The following CFAP65 variants were observed in gnomAD, a reference collection of about 807,000 sequenced individuals.
CFAP65 encodes the protein cilia- and flagella-associated protein 65.
Under a neutral mutation model 208.0 loss-of-function variants are expected in CFAP65, and 155 were observed. The ratio of observed to expected loss-of-function variants is 0.75; its 90% CI spans 0.65 to 0.85. The LOEUF (loss-of-function observed/expected upper bound fraction) is 0.85. CFAP65 is among the 40% of genes least tolerant of loss of function. The probability of loss-of-function intolerance (pLI) is 0.00; values close to 1 mark genes in which losing one functional copy is unlikely to be tolerated. For missense variants in CFAP65, 2,294 were observed against 2,451.3 expected (o/e 0.94, Z 1.36); for synonymous variants, 970 against 986.3 (o/e 0.98, Z 0.31).
intron 4 of CFAP65, 32 bp from the exon 5 acceptor site, chr2:219,035,696 A>G: frequency 1.3e-6 from 2 of 1,587,796 alleles, no homozygotes; most frequent in Non-Finnish European, 8.6e-7. Context: ...GGGGGAGCAG[A>G]AAGGATGTAT....
At chr2:219,028,071 T>C (rs1469177322) in intron 12 of CFAP65, 62 bp from the exon 13 acceptor site, 1 of 1,527,578 alleles carries the variant, frequency 6.5e-7, no homozygotes, top group African/African-American at 1.4e-5. Flanking sequence ...TTGCCCCTCC[T>C]GGGTACACTC....
In CFAP65 at chr2:219,010,453, T is replaced by A. The variant is rs897740545; in HGVS notation, c.4308+93A>T. ...TGTCCCTCCTCAACTACATCTCATGTCCCTCCCAGCCTCCCCATCCTTCTG... is the reference window on the plus strand; with the variant it reads ...TGTCCCTCCTCAACTACATCTCATGACCCTCCCAGCCTCCCCATCCTTCTG... On this transcript the variant is annotated intron_variant, in intron 26 of 34. Transcript: ENST00000341552. 5 of 1,352,600 alleles carry A rather than the reference T, an allele frequency of 3.7e-6. No homozygotes were observed. The African/African-American group carries it at 7.5e-5, about 20-fold the overall frequency. The allele number at this position is 1,352,600 out of a possible 1,614,324, so 83.8% of individuals were successfully genotyped here. A position where few individuals can be genotyped will look rare whatever the true frequency, so the allele number is the denominator to read the frequency against.
chr2:219,038,368 T>C lies in CFAP65; in HGVS notation c.357+7A>G. ...CCCTGCTCTGCCTGCCCTGGCTGTA[T>C]CCTTACCTGGGCGCTGATGGTGCTG... On this transcript the variant is annotated splice_region_variant and intron_variant, in intron 4 of 34. Transcript: ENST00000341552. 6.2e-7 allele frequency: 1 copy of C among 1,612,410 alleles called. No individual in the cohort carries two copies. The highest frequency in any genetic ancestry group is 8.5e-7 in the Non-Finnish European group (1 of 1,179,894).
chr2:219,008,276 A>G (rs1436032453), intron 29 of CFAP65, among the ~76,000 whole-genome samples: 1 of 152,192 alleles, frequency 6.6e-6, no homozygotes, highest in Non-Finnish European at 1.5e-5. Context: ...TCTGGATTAT[A>G]CTGAAGCAAA....
At chr2:219,015,976 T>TA (rs10719158) in intron 21 of CFAP65, among the ~76,000 whole-genome samples, 347 of 151,390 alleles carry the variant, frequency 2.3e-3, no homozygotes, top group Middle Eastern at 0.017. Context: ...GCCATTACTG[T>TA]AAAAAAAAAG....
chr2:219,038,319 AT>A (rs1948479823), intron 4 of CFAP65, 55 bp downstream of exon 4: 9 of 1,553,182 alleles, frequency 5.8e-6, no homozygotes, highest in Non-Finnish European at 7.9e-6. Flanking sequence ...CCTGCCACCC[AT>A]GCCCCGCCCT....
chr2:219,037,215 C>A (rs1948418143), intron 4 of CFAP65, among the ~76,000 whole-genome samples: 1 of 151,886 alleles, frequency 6.6e-6, no homozygotes, highest in African/African-American at 2.4e-5. Context: ...TATGGTGAAA[C>A]CCCCGTCTCT....
Position 219,003,054 on chromosome 2 carries a change from G to A in CFAP65, c.5694-33C>T. ...ACAAAAAGTCCCAGGTAGGCGTGGGGGCGAGGCTTCGGGCAGAGCCTGGCT... is the reference window on the plus strand; with the variant it reads ...ACAAAAAGTCCCAGGTAGGCGTGGGAGCGAGGCTTCGGGCAGAGCCTGGCT... On this transcript the variant is annotated intron_variant, in intron 34 of 34. Transcript: ENST00000341552. This position sits in a 1 kb window ranked among gnomAD's most constrained non-coding sequence, Gnocchi z 4.4. The A allele has an allele frequency of 6.4e-7, 1 of 1,551,586 alleles. No homozygotes were observed. Among genetic ancestry groups the A allele is most frequent in the Non-Finnish European group, 8.7e-7 (1 of 1,146,944 alleles).
chr2:219,008,966 C>A, intron 29 of CFAP65, 81 bp downstream of exon 29: 1 of 1,225,438 alleles, frequency 8.2e-7, no homozygotes, highest in Non-Finnish European at 1.2e-6. Context: ...TGGAGGGCCA[C>A]CTTGGCCCAC....
chr2:219,019,432 G>C, intron 20 of CFAP65, 74 bp downstream of exon 20: 1 of 1,313,182 alleles, frequency 7.6e-7, no homozygotes, highest in Admixed American at 2.2e-5. Flanking sequence ...CTGGGAGTCT[G>C]GGCAGAAAGC....
At chr2:219,039,427 C>T (rs369649952) in intron 2 of CFAP65, among the ~76,000 whole-genome samples, 82 of 152,288 alleles carry the variant, frequency 5.4e-4, no homozygotes, top group Non-Finnish European at 1.1e-3. Context: ...ACTAAGCCAG[C>T]CCCACTCAGG....
rs763930287 is a variant in CFAP65, at chr2:219,028,350, G to A, written c.1702C>T (p.Pro568Ser). The A allele has an allele frequency of 6.2e-7, 1 of 1,613,866 alleles. No individual in the cohort carries two copies. Among genetic ancestry groups the A allele is most frequent in the East Asian group, 2.2e-5 (1 of 44,884 alleles). Residue 568 changes from proline to serine, a missense_variant, in exon 12 of 35, where the codon CCA becomes TCA. This residue lies in a region of CFAP65 where 867 missense variants were observed against 1,012.6 expected (regional missense o/e 0.86). Coordinates refer to ENST00000341552, the MANE Select transcript of CFAP65 (RefSeq NM_194302.4). ...AGGTGCTGAGGCTTCAGGATGGCTG[G>A]CTTGGTGCTGTCCGAGTGGCAGGTC... ...MGTCHSDSTKPAILKPQHLTW... is the reference protein window; with the variant it reads ...MGTCHSDSTKSAILKPQHLTW...
intron 2 of CFAP65, among the ~76,000 whole-genome samples, chr2:219,039,382 C>A (rs1948549201): frequency 6.6e-6 from 1 of 152,154 alleles, no homozygotes; most frequent in Non-Finnish European, 1.5e-5. Flanking sequence ...GTTACCTCGA[C>A]AAAAGGACAG....
chr2:219,038,371 T>TAAG lies in CFAP65; in HGVS notation c.357+3_357+4insCTT, dbSNP rs752319119. 1.2e-4 allele frequency: 192 copies of TAAG among 1,611,824 alleles called. No individual in the cohort carries two copies. Among genetic ancestry groups the TAAG allele is most frequent in the Non-Finnish European group, 1.6e-4 (184 of 1,179,646 alleles). ...TGCTCTGCCTGCCCTGGCTGTATCC[T>TAAG]TACCTGGGCGCTGATGGTGCTGCAG... is the stretch of plus-strand genomic sequence containing the variant. On this transcript the variant is annotated splice_donor_region_variant and intron_variant, in intron 4 of 34. Coordinates refer to ENST00000341552, the MANE Select transcript of CFAP65 (RefSeq NM_194302.4).
chr2:219,021,055 C>T, intron 19 of CFAP65, 97 bp downstream of exon 19: 1 of 1,380,478 alleles, frequency 7.2e-7, no homozygotes, highest in Non-Finnish European at 9.6e-7. Context: ...ACCCTGCCAG[C>T]TCTGCCTGAC....
chr2:219,038,894 AC>A lies in CFAP65; in HGVS notation c.153+1del. The A allele has an allele frequency of 6.2e-7, 1 of 1,605,536 alleles. No individual in the cohort carries two copies. Among genetic ancestry groups the A allele is most frequent in the Non-Finnish European group, 8.5e-7 (1 of 1,175,578 alleles). On this transcript the variant is annotated splice_donor_variant, in intron 3 of 34. Transcript: ENST00000341552. LOFTEE classifies it high-confidence loss of function. Reference sequence around the variant, plus strand: ...TGGGTGTTACTGAAGTGTGTGCATTACCTTTATCTGGCTTTTACTCTCTGCT... The same window carrying A: ...TGGGTGTTACTGAAGTGTGTGCATTACTTTATCTGGCTTTTACTCTCTGCT...
chr2:219,038,662 T>C (rs957167302), intron 3 of CFAP65, 84 bp from the exon 4 acceptor site: 8 of 1,332,158 alleles, frequency 6.0e-6, no homozygotes, highest in Non-Finnish European at 4.2e-6. Flanking sequence ...GCCATCCTTG[T>C]CATGGAGGAG....
intron 8 of CFAP65, 25 bp from the exon 9 acceptor site, chr2:219,030,859 G>A (rs767188658): frequency 1.9e-6 from 3 of 1,607,266 alleles, no homozygotes; most frequent in Admixed American, 1.7e-5. Flanking sequence ...GGGGAGTCTT[G>A]GGGGAACCCA....
At chr2:219,017,592 T>C (rs1946987270) in intron 21 of CFAP65, among the ~76,000 whole-genome samples, 2 of 152,288 alleles carry the variant, frequency 1.3e-5, no homozygotes, top group Admixed American at 1.3e-4. Context: ...ACTGCCTTCC[T>C]GCACCTCAGA....
Sources: allele counts gnomAD v4.1 joint callset (sites outside exome capture counted in the v4.1 genomes callset), GRCh38; gene constraint gnomAD v4.1.1; regional missense constraint gnomAD v4.1.1; non-coding constraint Gnocchi (gnomAD v3.1); transcripts MANE v1.5; gene names NCBI Gene and HGNC (gene_info 2026-07-23, HGNC 2026-07-21).